The following TMEM207 variants were observed in gnomAD, a reference collection of about 807,000 sequenced individuals.
TMEM207 encodes the protein SRSR846.
TMEM207 carries 15 observed loss-of-function variants against 17.4 expected under a neutral mutation model. The observed-to-expected ratio is 0.86, with a 90% CI of 0.58 to 1.33. TMEM207 has a LOEUF of 1.33. Among genes scored for constraint, TMEM207 ranks in the 40% most tolerant of loss-of-function variants. The pLI is 0.00. For missense variants in TMEM207, 205 were observed against 173.8 expected (o/e 1.18, Z -1.01); for synonymous variants, 70 against 65.6 (o/e 1.07, Z -0.33).
rs1372495735 is a variant in TMEM207, at chr3:190,440,309, G to T, written c.239C>A (p.Pro80His). 2 of 1,613,722 alleles carry T rather than the reference G, an allele frequency of 1.2e-6. No individual in the cohort carries two copies. Among genetic ancestry groups the T allele is most frequent in the African/African-American group, 2.7e-5 (2 of 74,812 alleles). ...GGTGCGCCTGTGAGAATCAATTCGG[G>T]GTCTCCTCAGCCAGCACTGGAGGCA... ...VLCLQCWLRRPRIDSHRRTMA... is the reference protein window; with the variant it reads ...VLCLQCWLRRHRIDSHRRTMA... Residue 80 changes from proline (P) to histidine (H), a missense_variant, in exon 4 of 5, where the codon CCC becomes CAC. Pro to His is a moderately conservative substitution (Grantham distance 77). Transcript: ENST00000354905.
intron 2 of TMEM207, among the ~76,000 whole-genome samples, chr3:190,442,666 G>T (rs1322116992): frequency 6.6e-6 from 1 of 151,520 alleles, no homozygotes; most frequent in African/African-American, 2.4e-5. Flanking sequence ...AAAATTCACA[G>T]GTATGGCTGG....
chr3:190,446,661 T>C (rs1720056715), intron 2 of TMEM207, among the ~76,000 whole-genome samples: 2 of 152,220 alleles, frequency 1.3e-5, no homozygotes, highest in African/African-American at 4.8e-5. Context: ...TTCAATCCCT[T>C]CACCTAAAAG....
chr3:190,429,768 G>C, intron 4 of TMEM207, 37 bp from the exon 5 acceptor site: 1 of 1,553,768 alleles, frequency 6.4e-7, no homozygotes, highest in Non-Finnish European at 8.7e-7. Context: ...AATCTTTCTA[G>C]TGAGCATAAA....
intron 4 of TMEM207, among the ~76,000 whole-genome samples, chr3:190,433,221 T>A (rs1025048608): frequency 1.3e-5 from 2 of 152,164 alleles, no homozygotes; most frequent in Non-Finnish European, 2.9e-5. Context: ...CATTTTCCAT[T>A]AATTATCTTT....
intron 4 of TMEM207, among the ~76,000 whole-genome samples, chr3:190,436,612 TC>T (rs563285237): frequency 1.3e-5 from 2 of 152,176 alleles, no homozygotes; most frequent in Non-Finnish European, 2.9e-5. Context: ...TTCTTTAACT[TC>T]CCTTTTGGAG....
At chr3:190,442,545 C>T (rs1255884681) in intron 2 of TMEM207, among the ~76,000 whole-genome samples, 2 of 152,164 alleles carry the variant, frequency 1.3e-5, no homozygotes, top group Admixed American at 1.3e-4. Context: ...ACCAATCACC[C>T]AGCCTACAGA....
chr3:190,436,163 G>T (rs775504400), intron 4 of TMEM207, among the ~76,000 whole-genome samples: 3 of 152,116 alleles, frequency 2.0e-5, no homozygotes, highest in Non-Finnish European at 2.9e-5. Flanking sequence ...TTCAATAAAT[G>T]GTGATAATTA....
intron 4 of TMEM207, among the ~76,000 whole-genome samples, chr3:190,430,823 C>T (rs1317412370): frequency 9.2e-5 from 14 of 151,984 alleles, no homozygotes; most frequent in Admixed American, 9.2e-4. Flanking sequence ...TATTTTATAC[C>T]TGTCTTTAAT....
intron 2 of TMEM207, among the ~76,000 whole-genome samples, chr3:190,444,896 C>T (rs1156988116): frequency 6.6e-6 from 1 of 151,966 alleles, no homozygotes; most frequent in Non-Finnish European, 1.5e-5. Flanking sequence ...CAACATAGGC[C>T]AAAGTGCAAT....
At chr3:190,447,640 C>T (rs1331498907) in intron 2 of TMEM207, 150 bp downstream of exon 2, 1 of 583,520 alleles carries the variant, frequency 1.7e-6, no homozygotes, top group Non-Finnish European at 2.8e-6. Flanking sequence ...AAAAATGGAG[C>T]CATCTGCATT....
chr3:190,431,800 C>G (rs1719698708), intron 4 of TMEM207, among the ~76,000 whole-genome samples: 1 of 152,076 alleles, frequency 6.6e-6, no homozygotes, highest in Non-Finnish European at 1.5e-5. Context: ...TATTGTGCTC[C>G]CAGTAATAGA....
Position 190,437,758 on chromosome 3 carries a change from A to G in TMEM207, c.304+2486T>C, listed in dbSNP as rs183573682. ...CCATCTCATTACTGGGTGTATACCC[A>G]AAGGACTATAAATCATGCTGCTATA... On this transcript the variant is annotated intron_variant, in intron 4 of 4. Transcript: ENST00000354905. Among the ~76,000 whole-genome samples the G allele has an allele frequency of 1.1e-3, 163 of 152,224 alleles. 6 individuals carry two copies. The East Asian group carries it at 0.027, about 25-fold the overall frequency.
At chr3:190,440,985 C>A (rs141722452) in intron 3 of TMEM207, among the ~76,000 whole-genome samples, 155 of 152,010 alleles carry the variant, frequency 1.0e-3, no homozygotes, top group African/African-American at 3.6e-3. Flanking sequence ...TGGAGAATGG[C>A]GGGAACCCGG....
chr3:190,446,250 A>T (rs1676510796), intron 2 of TMEM207, among the ~76,000 whole-genome samples: 1 of 152,154 alleles, frequency 6.6e-6, no homozygotes, highest in African/African-American at 2.4e-5. Context: ...CAAAGAAGTG[A>T]TTTGAAACTG....
At chr3:190,440,423 T>C in intron 3 of TMEM207, 34 bp from the exon 4 acceptor site, 1 of 1,589,358 alleles carries the variant, frequency 6.3e-7, no homozygotes. Flanking sequence ...AAGAATGAGG[T>C]AGAGTATGCA....
At chr3:190,444,517 AAT>A (rs1488096309) in intron 2 of TMEM207, 116 of 470,016 alleles carry the variant, frequency 2.5e-4, no homozygotes, top group South Asian at 7.9e-4. Context: ...AAAAAAAAAA[AAT>A]AGAAATGAGA....
intron 4 of TMEM207, among the ~76,000 whole-genome samples, chr3:190,435,969 G>A (rs1355142039): frequency 2.0e-5 from 3 of 152,184 alleles, no homozygotes; most frequent in East Asian, 1.9e-4. Flanking sequence ...AATAGTATCA[G>A]TAGTTCTGAT....
At chr3:190,448,713 C>A (rs1208808201) in intron 1 of TMEM207, among the ~76,000 whole-genome samples, 1 of 152,092 alleles carries the variant, frequency 6.6e-6, no homozygotes, top group African/African-American at 2.4e-5. Flanking sequence ...TAAGAAGTTA[C>A]AAAATTTAAA....
chr3:190,431,269 A>C, intron 4 of TMEM207, among the ~76,000 whole-genome samples: 1 of 152,110 alleles, frequency 6.6e-6, no homozygotes, highest in East Asian at 1.9e-4. Context: ...CCTCTATAAA[A>C]GCAAGGCTAA....
Sources: allele counts gnomAD v4.1 joint callset (sites outside exome capture counted in the v4.1 genomes callset), GRCh38; gene constraint gnomAD v4.1.1; transcripts MANE v1.5; gene names NCBI Gene and HGNC (gene_info 2026-07-23, HGNC 2026-07-21).